Variants in CCNY observed in about 807,000 individuals in gnomAD.
CCNY encodes cyclin Y.
CCNY carries 19 observed loss-of-function variants against 42.8 expected under a neutral mutation model. The observed-to-expected ratio is 0.44, with a 90% CI of 0.31 to 0.65. The LOEUF (loss-of-function observed/expected upper bound fraction) is 0.65. CCNY is among the 30% of genes least tolerant of loss of function. The pLI is 0.07. For synonymous variants in CCNY, 165 were observed against 162.7 expected, an observed-to-expected ratio of 1.01 and a Z score of -0.11; for missense variants, 370 against 437.3, an observed-to-expected ratio of 0.85 and a Z score of 1.37.
At chr10:35,394,732 T>C (rs980636018) in intron 1 of CCNY, 5 of 430,664 alleles carry the variant, frequency 1.2e-5, no homozygotes, top group Non-Finnish European at 1.5e-5. Flanking sequence ...TTTTGTTTGT[T>C]TTGTTTTTAG....
At chr10:35,265,629 C>T (rs775640363) in intron 3 of CCNY, among the ~76,000 whole-genome samples, 18 of 152,244 alleles carry the variant, frequency 1.2e-4, no homozygotes, top group Non-Finnish European at 2.4e-4. Flanking sequence ...CCTGAAGGTG[C>T]CGCTCCCGGC....
Position 35,569,476 on chromosome 10 carries a change from C to T in CCNY, c.*306C>T. On this transcript the variant is annotated 3_prime_UTR_variant, in exon 10 of 10. Transcript: ENST00000374704. The stretch of plus-strand genomic sequence containing the variant: ...TGGAGAGGCAGGGAAAATGGTTAAG[C>T]AGCCCGGCCCTCTGGAGTCCCCATG... The T allele has an allele frequency of 2.5e-6, 1 of 399,126 alleles. No homozygotes were observed. Among genetic ancestry groups the T allele is most frequent in the Non-Finnish European group, 4.7e-6 (1 of 213,014 alleles). 24.7% of individuals were successfully genotyped at this position (399,126 alleles called of 1,614,324 possible). A position where few individuals can be genotyped will look rare whatever the true frequency, so the allele number is the denominator to read the frequency against.
At chr10:35,321,144 A>G (rs930902743) in intron 3 of CCNY, 6 of 150,598 alleles carry the variant, frequency 4.0e-5, no homozygotes, top group Non-Finnish European at 8.9e-5. Context: ...ACACACACAC[A>G]CACACAAACA....
At chr10:35,528,419 T>C (rs189726434) in intron 5 of CCNY, among the ~76,000 whole-genome samples, 2 of 152,286 alleles carry the variant, frequency 1.3e-5, no homozygotes, top group Non-Finnish European at 2.9e-5. Flanking sequence ...AAATAATTGC[T>C]GTGGCTGAGC....
chr10:35,360,550 G>C (rs949627028), intron 1 of CCNY, among the ~76,000 whole-genome samples: 7 of 151,916 alleles, frequency 4.6e-5, no homozygotes, highest in African/African-American at 1.7e-4. Flanking sequence ...CCAAAGTGCT[G>C]GGATTACAGG....
chr10:35,271,440 C>A (rs1835168062), intron 3 of CCNY, among the ~76,000 whole-genome samples: 1 of 152,160 alleles, frequency 6.6e-6, no homozygotes, highest in Admixed American at 6.5e-5. Flanking sequence ...ACAATGAAGG[C>A]TGAAGAAAAA....
At chr10:35,467,524 A>G (rs951980316) in intron 1 of CCNY, among the ~76,000 whole-genome samples, 5 of 152,238 alleles carry the variant, frequency 3.3e-5, no homozygotes, top group African/African-American at 1.2e-4. Flanking sequence ...ATTGATTTCT[A>G]TATGTCAGTT....
chr10:35,547,489 T>C (rs1388058136), intron 7 of CCNY, among the ~76,000 whole-genome samples: 1 of 152,096 alleles, frequency 6.6e-6, no homozygotes, highest in East Asian at 1.9e-4. Flanking sequence ...CATAGCTGCC[T>C]CCTCTGAACT....
chr10:35,511,881 C>T lies in CCNY; in HGVS notation c.265-4642C>T, dbSNP rs78936686. On this transcript the variant is annotated intron_variant, in intron 3 of 9. Coordinates refer to ENST00000374704, the MANE Select transcript of CCNY (RefSeq NM_145012.6). ...ATGGAGAGTTGACTCGTGTGTCTCT[C>T]CCCAGTGGAGAACGTCAGAACCATC... Among the ~76,000 whole-genome samples the T allele has an allele frequency of 1.6e-4, 24 of 152,276 alleles. No homozygotes were observed. In the East Asian group the frequency reaches 4.4e-3, roughly 28 times the overall value.
intron 1 of CCNY, among the ~76,000 whole-genome samples, chr10:35,372,986 C>T (rs1836971888): frequency 6.6e-6 from 1 of 152,234 alleles, no homozygotes; most frequent in Non-Finnish European, 1.5e-5. Context: ...GCATGAGGCA[C>T]CATGCCTGGC....
chr10:35,531,948 C>A (rs1840778108), intron 7 of CCNY, among the ~76,000 whole-genome samples: 2 of 152,234 alleles, frequency 1.3e-5, no homozygotes, highest in Admixed American at 1.3e-4. Context: ...GAGTTCATTT[C>A]TTTGGAGTAG....
intron 8 of CCNY, among the ~76,000 whole-genome samples, chr10:35,554,407 GT>G (rs983874902): frequency 6.6e-6 from 1 of 152,116 alleles, no homozygotes; most frequent in East Asian, 1.9e-4. Context: ...ACATAAAGAA[GT>G]TTTTTTAATC....
At position 35,337,153 on chromosome 10, in the gene CCNY, C is replaced by A. The variant is rs989670875; in HGVS notation, c.100C>A (p.Arg34Ser). 10 of 1,582,742 alleles carry A rather than the reference C, an allele frequency of 6.3e-6. No individual in the cohort carries two copies. Among genetic ancestry groups the A allele is most frequent in the African/African-American group, 1.4e-5 (1 of 72,680 alleles). ...ESYRPDTDLS[R>S]EDTGCNLQHI... Reference sequence around the variant, plus strand: ...CTACCGGCCAGACACGGACCTGAGCCGCGAGGACACGGGCTGCAACCTGCA... The same window carrying A: ...CTACCGGCCAGACACGGACCTGAGCAGCGAGGACACGGGCTGCAACCTGCA... Residue 34 changes from arginine to serine, a missense_variant, in exon 1 of 10, where the codon CGC (arginine) becomes AGC (serine). Arg to Ser is a moderately radical substitution (Grantham distance 110). This residue lies in a region of CCNY where 136 missense variants were observed against 124.2 expected (regional missense o/e 1.09). Coordinates refer to ENST00000374704, the MANE Select transcript of CCNY (RefSeq NM_145012.6).
At chr10:35,373,814 G>T (rs1286636004) in intron 1 of CCNY, among the ~76,000 whole-genome samples, 1 of 152,136 alleles carries the variant, frequency 6.6e-6, no homozygotes, top group Non-Finnish European at 1.5e-5. Flanking sequence ...CAGTCAACAG[G>T]AGGCTATTAG....
At chr10:35,548,804 A>G (rs1220774184) in intron 7 of CCNY, among the ~76,000 whole-genome samples, 5 of 151,904 alleles carry the variant, frequency 3.3e-5, no homozygotes, top group African/African-American at 4.8e-5. Flanking sequence ...AAATCTGCGT[A>G]TTAGTGGATC....
At position 35,534,823 on chromosome 10, in the gene CCNY, A is replaced by G. The variant is rs145223529; in HGVS notation, c.579+4580A>G. Reference sequence around the variant, plus strand: ...TTGCCTATTCTGAACATTTCATATCAATAGTATCTCATATGATAGTTCATG... The same window carrying G: ...TTGCCTATTCTGAACATTTCATATCGATAGTATCTCATATGATAGTTCATG... On this transcript the variant is annotated intron_variant, in intron 7 of 9. Transcript: ENST00000374704. Among the ~76,000 whole-genome samples the G allele has an allele frequency of 4.1e-4, 62 of 152,020 alleles. No individual in the cohort carries two copies. The East Asian group carries it at 6.6e-3, about 16-fold the overall frequency.
chr10:35,389,987 G>T (rs958314482), intron 1 of CCNY, among the ~76,000 whole-genome samples: 1 of 152,144 alleles, frequency 6.6e-6, no homozygotes, highest in Non-Finnish European at 1.5e-5. Context: ...GTATCACTTA[G>T]TCATAAATCA....
intron 2 of CCNY, among the ~76,000 whole-genome samples, chr10:35,497,110 G>T (rs1204421285): frequency 1.3e-5 from 2 of 152,122 alleles, no homozygotes; most frequent in Non-Finnish European, 2.9e-5. Flanking sequence ...TCCCAGGAAA[G>T]AAAAAATTTA....
intron 1 of CCNY, among the ~76,000 whole-genome samples, chr10:35,436,174 C>G (rs1054754616): frequency 2.6e-5 from 4 of 152,096 alleles, no homozygotes; most frequent in African/African-American, 9.7e-5. Context: ...CCAGGAGTGA[C>G]TTGTGGGACC....
Sources: gnomAD v4.1 joint callset for allele counts (sites outside exome capture counted in the v4.1 genomes callset) on GRCh38, gnomAD v4.1.1 for gene constraint, gnomAD v4.1.1 regional missense constraint, MANE v1.5 for transcripts, NCBI Gene and HGNC (gene_info 2026-07-23, HGNC 2026-07-21) for gene names.